Variants in CACNA1A observed in about 807,000 individuals in gnomAD.
CACNA1A encodes voltage-dependent P/Q-type calcium channel subunit alpha-1A.
Under a neutral mutation model 262.4 loss-of-function variants are expected in CACNA1A, and 57 were observed. The observed-to-expected ratio is 0.22, with a 90% confidence interval of 0.18 to 0.27. The LOEUF (loss-of-function observed/expected upper bound fraction) is 0.27. CACNA1A is among the 10% of genes least tolerant of loss of function. The probability of loss-of-function intolerance (pLI) is 1.00; values close to 1 mark genes in which losing one functional copy is unlikely to be tolerated. For synonymous variants in CACNA1A, 1,431 were observed against 1,419.3 expected (o/e 1.01, Z -0.18); for missense variants, 2,526 against 3,562.8 (o/e 0.71, Z 7.41).
intron 6 of CACNA1A, among the ~76,000 whole-genome samples, chr19:13,355,589 A>T (rs1010655913): frequency 6.6e-6 from 1 of 152,024 alleles, no homozygotes; most frequent in African/African-American, 2.4e-5. Context: ...ACAGGGAGGG[A>T]GCTGGGGTAT....
At chr19:13,440,763 T>C (rs760539236) in intron 3 of CACNA1A, among the ~76,000 whole-genome samples, 9 of 152,192 alleles carry the variant, frequency 5.9e-5, no homozygotes, top group Non-Finnish European at 1.0e-4. Flanking sequence ...CATTAACTCA[T>C]TGAACCTTGA....
chr19:13,420,325 G>C (rs1443908447), intron 3 of CACNA1A, among the ~76,000 whole-genome samples: 1 of 151,792 alleles, frequency 6.6e-6, no homozygotes, highest in Non-Finnish European at 1.5e-5. Context: ...GAATTGAGTT[G>C]AATACTATTT....
At position 13,462,241 on chromosome 19, in the gene CACNA1A, C is replaced by T. The variant is rs74578305; in HGVS notation, c.294-7029G>A. Among the ~76,000 whole-genome samples the T allele has an allele frequency of 3.4e-3, 515 of 152,284 alleles. 5 individuals are homozygous for T. Among genetic ancestry groups the T allele is most frequent in the African/African-American group, 0.011 (441 of 41,552 alleles). The stretch of plus-strand genomic sequence containing the variant: ...GCGGAAATCAAATCAGGTTTGTCAA[C>T]TCTTTGTGACCTTGTCTCCACTATG... On this transcript the variant is annotated intron_variant, in intron 1 of 46. Transcript: ENST00000360228.
At chr19:13,444,897 G>T (rs2060782077) in intron 3 of CACNA1A, among the ~76,000 whole-genome samples, 3 of 151,978 alleles carry the variant, frequency 2.0e-5, no homozygotes, top group African/African-American at 7.2e-5. Context: ...CAGCACTTTG[G>T]GAGACAGAGG....
At position 13,241,549 on chromosome 19, in the gene CACNA1A, A is replaced by AG; in HGVS notation, c.4950+3632dup. 7.1e-6 allele frequency: 2 copies of AG among 282,500 alleles called. No homozygotes were observed. The highest frequency in any genetic ancestry group is 1.3e-5 in the Non-Finnish European group (2 of 159,510). The allele number at this position is 282,500 out of a possible 1,614,324, so 17.5% of individuals were successfully genotyped here. On this transcript the variant is annotated intron_variant, in intron 31 of 46. Transcript: ENST00000360228. This position sits in a 1 kb window ranked among gnomAD's most constrained non-coding sequence, Gnocchi z 4.0. ...ATTCTAGATGCAGATGTTGAAGATG[A>AG]GGGGGAGCGGGCGGGCGGGGGCAGT...
intron 32 of CACNA1A, 111 bp from the exon 33 acceptor site, chr19:13,235,385 T>A: frequency 9.4e-7 from 1 of 1,060,512 alleles, no homozygotes; most frequent in Non-Finnish European, 1.4e-6. Flanking sequence ...ATATGCCACG[T>A]GCCAGAGTCC....
At position 13,207,628 on chromosome 19, in the gene CACNA1A, C is replaced by T. The variant is rs2054614917; in HGVS notation, c.7206G>A (p.Pro2402=). 4.7e-6 allele frequency: 7 copies of T among 1,477,796 alleles called. No individual in the cohort carries two copies. The highest frequency in any genetic ancestry group is 1.3e-5 in the South Asian group (1 of 78,792). 91.5% of individuals were successfully genotyped at this position (1,477,796 alleles called of 1,614,324 possible). A position where few individuals can be genotyped will look rare whatever the true frequency, so the allele number is the denominator to read the frequency against. The change falls in exon 47 of 47, where the codon CCG becomes CCA. Residue 2402 remains proline, a synonymous_variant. Transcript: ENST00000360228. This position sits in a 1 kb window ranked among gnomAD's most constrained non-coding sequence, Gnocchi z 5.7. The part of the protein sequence containing the change: ...ASGPHVSEGP[P]GPRHHGYYRG... Reference sequence around the variant, plus strand: ...GGTAGTAGCCATGGTGCCGGGGACCCGGGGGCCCCTCGGACACGTGCGGGC... The same window carrying T: ...GGTAGTAGCCATGGTGCCGGGGACCTGGGGGCCCCTCGGACACGTGCGGGC...
chr19:13,369,037 CA>C (rs71170503), intron 4 of CACNA1A, among the ~76,000 whole-genome samples: 6,684 of 48,904 alleles, frequency 0.14, 214 homozygotes, highest in African/African-American at 0.19. Context: ...GACTCCGTCT[CA>C]AAAAAAAAAA....
chr19:13,266,623 G>A (rs990289748), intron 24 of CACNA1A, among the ~76,000 whole-genome samples: 1 of 151,922 alleles, frequency 6.6e-6, no homozygotes, highest in Non-Finnish European at 1.5e-5. Flanking sequence ...ACCCAGGGTG[G>A]AGTGCAGTGG....
At chr19:13,365,694 G>C in intron 4 of CACNA1A, 1 of 450,890 alleles carries the variant, frequency 2.2e-6, no homozygotes, top group Non-Finnish European at 4.0e-6. Flanking sequence ...TTGAGACAGG[G>C]TTTTGCACTG....
chr19:13,472,000 T>C (rs967113165), intron 1 of CACNA1A, among the ~76,000 whole-genome samples: 3 of 152,234 alleles, frequency 2.0e-5, no homozygotes, highest in African/African-American at 7.2e-5. Flanking sequence ...TCTCACTCTG[T>C]TGCTCAAGCT....
chr19:13,438,980 C>T (rs1320679051), intron 3 of CACNA1A, among the ~76,000 whole-genome samples: 1 of 152,056 alleles, frequency 6.6e-6, no homozygotes, highest in East Asian at 1.9e-4. Context: ...CTCAGGTGAT[C>T]CACCTGCCTT....
rs141210118 is a variant in CACNA1A, at chr19:13,359,087, A to G, written c.978+519T>C. On this transcript the variant is annotated intron_variant, in intron 6 of 46. Transcript: ENST00000360228. ...TGAGAATTGCACGCAAGTTCATGGAATCTGGCCATGGGCAGGGAATTCCAG... is the reference window on the plus strand; with the variant it reads ...TGAGAATTGCACGCAAGTTCATGGAGTCTGGCCATGGGCAGGGAATTCCAG... 2.0e-5 allele frequency among the ~76,000 whole-genome samples: 3 copies of G among 152,248 alleles called. No homozygotes were observed. The East Asian group carries it at 5.8e-4, about 30-fold the overall frequency.
chr19:13,496,106 C>T (rs976453356), intron 1 of CACNA1A, among the ~76,000 whole-genome samples: 6 of 151,900 alleles, frequency 3.9e-5, no homozygotes, highest in Non-Finnish European at 5.9e-5. Flanking sequence ...ACATCCAACA[C>T]TAACTGCAGA....
chr19:13,465,366 T>C (rs2061215639), intron 1 of CACNA1A, among the ~76,000 whole-genome samples: 1 of 152,222 alleles, frequency 6.6e-6, no homozygotes, highest in South Asian at 2.1e-4. Flanking sequence ...CACTGAATAT[T>C]ATACTCAAAA....
In CACNA1A at chr19:13,464,543, A is replaced by ATTTTTTTTTT. The variant is rs540418372; in HGVS notation, c.294-9341_294-9332dup. On this transcript the variant is annotated intron_variant, in intron 1 of 46. Transcript: ENST00000360228. ...CTGCTAATAGTAAATAACTTTTCCAATTTTTTTTTTTTTTTTTTTTTTAGA... is the reference window on the plus strand; with the variant it reads ...CTGCTAATAGTAAATAACTTTTCCAATTTTTTTTTTTTTTTTTTTTTTTTTTTTTTTTAGA... 3.2e-4 allele frequency among the ~76,000 whole-genome samples: 41 copies of ATTTTTTTTTT among 128,944 alleles called. 2 individuals carry two copies. The East Asian group carries it at 5.1e-3, about 16-fold the overall frequency. The allele number at this position is 128,944 out of a possible 152,430, so 84.6% of individuals were successfully genotyped here.
intron 3 of CACNA1A, among the ~76,000 whole-genome samples, chr19:13,403,973 TTGGTACATA>T (rs1403698082): frequency 6.6e-6 from 1 of 151,750 alleles, no homozygotes; most frequent in Non-Finnish European, 1.5e-5. Flanking sequence ...AAAAAAAAAG[TTGGTACATA>T]TGGTACAATG....
At chr19:13,403,771 G>GCAAACAAA (rs200020218) in intron 3 of CACNA1A, among the ~76,000 whole-genome samples, 15 of 151,650 alleles carry the variant, frequency 9.9e-5, no homozygotes, top group African/African-American at 3.4e-4. Flanking sequence ...CCCCATCTCT[G>GCAAACAAA]CAAACAAACA....
intron 3 of CACNA1A, among the ~76,000 whole-genome samples, chr19:13,390,937 A>C (rs1323994843): frequency 6.6e-6 from 1 of 151,926 alleles, no homozygotes; most frequent in African/African-American, 2.4e-5. Context: ...GCTAGACTGG[A>C]GTGCAGTGGC....
Sources: allele counts gnomAD v4.1 joint callset (sites outside exome capture counted in the v4.1 genomes callset), GRCh38; gene constraint gnomAD v4.1.1; non-coding constraint Gnocchi (gnomAD v3.1); transcripts MANE v1.5; gene names NCBI Gene and HGNC (gene_info 2026-07-23, HGNC 2026-07-21).